ZCCHC7: variants seen among roughly 807,000 people sequenced by gnomAD.
ZCCHC7 encodes zinc finger CCHC-type containing 7.
ZCCHC7 carries 35 observed loss-of-function variants against 52.0 expected under a neutral mutation model. The ratio of observed to expected loss-of-function variants is 0.67; its 90% CI spans 0.51 to 0.89. The LOEUF (loss-of-function observed/expected upper bound fraction) is 0.89. Ranked by LOEUF, ZCCHC7 falls within the 40% of genes least tolerant of loss-of-function variation. The pLI is 0.00. For missense variants in ZCCHC7, 574 were observed against 649.1 expected, an observed-to-expected ratio of 0.88 and a Z score of 1.26; for synonymous variants, 217 against 221.5, an observed-to-expected ratio of 0.98 and a Z score of 0.18.
chr9:37,342,199 T>C lies in ZCCHC7; in HGVS notation c.988-7158T>C, dbSNP rs1820684796. 7.2e-5 allele frequency among the ~76,000 whole-genome samples: 11 copies of C among 152,272 alleles called. No homozygotes were observed. In the South Asian group the frequency reaches 2.3e-3, roughly 32 times the overall value. Reference sequence around the variant, plus strand: ...GATGTATTTGCAGAGCCAACAAGCTTTGCTGATGGGCTGGGTATGAGGTAT... The same window carrying C: ...GATGTATTTGCAGAGCCAACAAGCTCTGCTGATGGGCTGGGTATGAGGTAT... On this transcript the variant is annotated intron_variant, in intron 6 of 8. Transcript: ENST00000336755.
chr9:37,144,934 G>GA (rs1364172698), intron 2 of ZCCHC7: 1 of 151,968 alleles, frequency 6.6e-6, no homozygotes, highest in African/African-American at 2.4e-5. Context: ...CAGGGCCACG[G>GA]GGTCAATGTC....
chr9:37,209,567 T>C (rs1824100950), intron 2 of ZCCHC7, among the ~76,000 whole-genome samples: 2 of 152,186 alleles, frequency 1.3e-5, no homozygotes, highest in South Asian at 4.1e-4. Flanking sequence ...TATATGCATA[T>C]GTATGTATAC....
At chr9:37,131,578 G>C (rs1842785873) in intron 2 of ZCCHC7, among the ~76,000 whole-genome samples, 1 of 152,188 alleles carries the variant, frequency 6.6e-6, no homozygotes, top group South Asian at 2.1e-4. Context: ...CTGGGAGGCG[G>C]AGGTTGCAGT....
intron 2 of ZCCHC7, among the ~76,000 whole-genome samples, chr9:37,201,762 T>TG (rs1188494279): frequency 6.6e-6 from 1 of 152,206 alleles, no homozygotes; most frequent in Non-Finnish European, 1.5e-5. Context: ...GGCAGAGTAA[T>TG]GGTAGGGCTT....
chr9:37,131,330 ACT>A (rs1195857975), intron 2 of ZCCHC7, among the ~76,000 whole-genome samples: 5 of 137,100 alleles, frequency 3.6e-5, no homozygotes, highest in East Asian at 4.4e-4. Flanking sequence ...ATAGAGCGAG[ACT>A]CTGTCAAAAA....
chr9:37,126,985 A>T (rs1842566327), intron 2 of ZCCHC7, 43 bp downstream of exon 2: 2 of 1,592,610 alleles, frequency 1.3e-6, no homozygotes, highest in Non-Finnish European at 1.7e-6. Flanking sequence ...ATCATCTTTC[A>T]TAAGGAGGAC....
At chr9:37,120,487 A>C (rs1055828000), upstream of ZCCHC7, 1 of 398,652 alleles carries the variant, frequency 2.5e-6, no homozygotes, top group Non-Finnish European at 4.4e-6. Context: ...CGGTGACTAG[A>C]GCTGTGTTGT....
chr9:37,190,856 T>TA (rs1001869957), intron 2 of ZCCHC7, among the ~76,000 whole-genome samples: 57 of 150,774 alleles, frequency 3.8e-4, no homozygotes, highest in Non-Finnish European at 4.9e-4. Flanking sequence ...CTGTCTCTAC[T>TA]AAAAAAAAAT....
intron 2 of ZCCHC7, among the ~76,000 whole-genome samples, chr9:37,215,776 T>C (rs1395478124): frequency 6.6e-6 from 1 of 152,222 alleles, no homozygotes; most frequent in African/African-American, 2.4e-5. Flanking sequence ...GGAAGGGCCA[T>C]ACTTAGACTT....
chr9:37,208,301 G>A (rs766831949), intron 2 of ZCCHC7, among the ~76,000 whole-genome samples: 10 of 152,068 alleles, frequency 6.6e-5, no homozygotes, highest in Admixed American at 1.3e-4. Flanking sequence ...GCCCAGGCTG[G>A]TCTTGAACTC....
intron 5 of ZCCHC7, among the ~76,000 whole-genome samples, chr9:37,323,061 C>T (rs1162542705): frequency 6.6e-6 from 1 of 152,048 alleles, no homozygotes; most frequent in African/African-American, 2.4e-5. Context: ...ACTGTTAGCC[C>T]CGTTTTACCT....
chr9:37,331,923 A>G (rs1242467832), intron 6 of ZCCHC7, among the ~76,000 whole-genome samples: 2 of 151,576 alleles, frequency 1.3e-5, no homozygotes, highest in African/African-American at 4.8e-5. Flanking sequence ...GTAAAATGCT[A>G]TCTAAACACC....
chr9:37,125,913 G>A (rs1466221963), intron 1 of ZCCHC7, among the ~76,000 whole-genome samples: 2 of 152,136 alleles, frequency 1.3e-5, no homozygotes, highest in Non-Finnish European at 2.9e-5. Context: ...ACAGTATTTG[G>A]CACCGTTACA....
At chr9:37,307,825 C>G (rs1268154301) in intron 5 of ZCCHC7, among the ~76,000 whole-genome samples, 1 of 152,074 alleles carries the variant, frequency 6.6e-6, no homozygotes, top group Non-Finnish European at 1.5e-5. Context: ...CAAATTTATA[C>G]TTAAATTGTT....
At position 37,260,060 on chromosome 9, in the gene ZCCHC7, A is replaced by G. The variant is rs572624153; in HGVS notation, c.611-42128A>G. On this transcript the variant is annotated intron_variant, in intron 2 of 8. Coordinates refer to ENST00000336755, the MANE Select transcript of ZCCHC7 (RefSeq NM_032226.3). ...TATAAATGCCTTGATGAATTCTGAT[A>G]TATTTTTGGTGCCATGACTTGGATA... Among the ~76,000 whole-genome samples the G allele has an allele frequency of 2.6e-5, 4 of 152,356 alleles. No homozygotes were observed. In the South Asian group the frequency reaches 8.3e-4, roughly 32 times the overall value.
intron 2 of ZCCHC7, among the ~76,000 whole-genome samples, chr9:37,301,280 G>A (rs1829020189): frequency 6.6e-6 from 1 of 152,174 alleles, no homozygotes; most frequent in Non-Finnish European, 1.5e-5. Flanking sequence ...CAGTAACTCT[G>A]AAGAAGAGTT....
intron 2 of ZCCHC7, among the ~76,000 whole-genome samples, chr9:37,266,181 A>G (rs955345680): frequency 2.6e-5 from 4 of 152,240 alleles, no homozygotes; most frequent in Non-Finnish European, 5.9e-5. Flanking sequence ...CATCCAAAAA[A>G]ACAGAATGAC....
intron 2 of ZCCHC7, among the ~76,000 whole-genome samples, chr9:37,177,817 C>T (rs1324737127): frequency 1.3e-5 from 2 of 152,124 alleles, no homozygotes; most frequent in Non-Finnish European, 2.9e-5. Context: ...TGTAGAATAC[C>T]TAACCCAGTA....
At chr9:37,148,273 A>G (rs1032190917) in intron 2 of ZCCHC7, among the ~76,000 whole-genome samples, 2 of 152,094 alleles carry the variant, frequency 1.3e-5, no homozygotes, top group Non-Finnish European at 2.9e-5. Context: ...AAGATGAATC[A>G]GGTATAGACC....
Sources: allele counts gnomAD v4.1 joint callset (sites outside exome capture counted in the v4.1 genomes callset), GRCh38; gene constraint gnomAD v4.1.1; transcripts MANE v1.5; gene names NCBI Gene and HGNC (gene_info 2026-07-23, HGNC 2026-07-21).